Variants in ZC3H7A observed in about 807,000 individuals in gnomAD.
ZC3H7A encodes zinc finger CCCH-type containing 7A.
A neutral mutation model predicts 125.5 loss-of-function variants in ZC3H7A; 44 were observed. The observed-to-expected ratio is 0.35, with a 90% CI of 0.28 to 0.45. The LOEUF is 0.45. Among genes scored for constraint, ZC3H7A ranks in the 20% least tolerant of loss-of-function variants. The probability of loss-of-function intolerance (pLI) is 1.00; values close to 1 mark genes in which losing one functional copy is unlikely to be tolerated. For missense variants in ZC3H7A, 977 were observed against 1,170.7 expected (o/e 0.83, Z 2.41); for synonymous variants, 399 against 391.2 (o/e 1.02, Z -0.23).
intron 1 of ZC3H7A, among the ~76,000 whole-genome samples, chr16:11,794,623 A>T (rs1305791874): frequency 1.3e-5 from 2 of 152,180 alleles, no homozygotes; most frequent in Non-Finnish European, 2.9e-5. Flanking sequence ...GTCTCTAGAA[A>T]GCCCTTTCTA....
chr16:11,760,674 G>T (rs1352373840), intron 19 of ZC3H7A, among the ~76,000 whole-genome samples: 1 of 152,170 alleles, frequency 6.6e-6, no homozygotes, highest in Non-Finnish European at 1.5e-5. Flanking sequence ...ACTACCTGTA[G>T]ATGCTCCAAG....
intron 1 of ZC3H7A, among the ~76,000 whole-genome samples, chr16:11,787,565 G>A (rs531997293): frequency 2.0e-4 from 30 of 152,120 alleles, no homozygotes; most frequent in African/African-American, 6.5e-4. Context: ...GGTCTCAAGC[G>A]ATCCTCCCTC....
chr16:11,754,774 C>T (rs553336258), intron 21 of ZC3H7A, among the ~76,000 whole-genome samples: 120 of 151,192 alleles, frequency 7.9e-4, no homozygotes, highest in Middle Eastern at 6.8e-3. Flanking sequence ...CACCTGTAGT[C>T]CCAGCTACAC....
chr16:11,792,337 A>G (rs1361054175), intron 1 of ZC3H7A, among the ~76,000 whole-genome samples: 1 of 152,208 alleles, frequency 6.6e-6, no homozygotes, highest in Non-Finnish European at 1.5e-5. Flanking sequence ...ATTTGTTACT[A>G]ATCTTGAAGT....
At chr16:11,759,259 T>TCA (rs1240276134) in intron 19 of ZC3H7A, 5 of 152,214 alleles carry the variant, frequency 3.3e-5, no homozygotes, top group Admixed American at 1.3e-4. Context: ...TTGAATACCA[T>TCA]CAACCTACTT....
intron 16 of ZC3H7A, 159 bp downstream of exon 16, chr16:11,763,319 G>A (rs1023384446): frequency 3.3e-6 from 2 of 611,078 alleles, no homozygotes; most frequent in Non-Finnish European, 5.3e-6. Flanking sequence ...GTACTGGCCA[G>A]ACTGGTCTTG....
chr16:11,754,588 T>C (rs1032531325), intron 21 of ZC3H7A, among the ~76,000 whole-genome samples: 2 of 151,888 alleles, frequency 1.3e-5, no homozygotes, highest in African/African-American at 4.8e-5. Context: ...AGTGGAACTA[T>C]AGATTATTTA....
chr16:11,756,186 G>A, intron 21 of ZC3H7A, 51 bp downstream of exon 21: 4 of 1,574,232 alleles, frequency 2.5e-6, no homozygotes, highest in Non-Finnish European at 3.4e-6. Flanking sequence ...GGAAAAGAAA[G>A]GCTCCATCAA....
At chr16:11,776,645 C>T (rs1412521161) in intron 5 of ZC3H7A, 106 bp downstream of exon 5, 114 of 1,492,028 alleles carry the variant, frequency 7.6e-5, no homozygotes, top group Non-Finnish European at 9.4e-5. Flanking sequence ...GCATTTATAC[C>T]CAACTGAAGC....
intron 9 of ZC3H7A, among the ~76,000 whole-genome samples, chr16:11,771,647 T>C (rs1299336323): frequency 2.0e-5 from 3 of 151,632 alleles, no homozygotes; most frequent in Non-Finnish European, 2.9e-5. Flanking sequence ...ATTACAGGCA[T>C]GCGCCACCTC....
At chr16:11,754,610 AGCTGGGC>A (rs1302540924) in intron 21 of ZC3H7A, among the ~76,000 whole-genome samples, 2 of 152,044 alleles carry the variant, frequency 1.3e-5, no homozygotes, top group African/African-American at 4.8e-5. Context: ...GAATAAATGT[AGCTGGGC>A]ACGGTGGCTC....
Position 11,769,752 on chromosome 16 carries a change from A to T in ZC3H7A, c.1109-657T>A, listed in dbSNP as rs183350876. ...AAAGCAGGAACTGACCATAACATTT[A>T]AAAAAAAATCAGTAAAGTTTTCAAT... On this transcript the variant is annotated intron_variant, in intron 10 of 22. Transcript: ENST00000355758. 6.5e-5 allele frequency among the ~76,000 whole-genome samples: 9 copies of T among 138,154 alleles called. No homozygotes were observed. In the East Asian group the frequency reaches 1.7e-3, roughly 26 times the overall value. The allele number at this position is 138,154 out of a possible 152,430, so 90.6% of individuals were successfully genotyped here.
At chr16:11,768,800 G>C (rs984985203) in intron 11 of ZC3H7A, among the ~76,000 whole-genome samples, 3 of 151,978 alleles carry the variant, frequency 2.0e-5, no homozygotes, top group Non-Finnish European at 2.9e-5. Context: ...TGTTTATGCT[G>C]TGCTAAAGCC....
At chr16:11,759,326 C>T (rs2052703131) in intron 19 of ZC3H7A, 1 of 152,162 alleles carries the variant, frequency 6.6e-6, no homozygotes, top group African/African-American at 2.4e-5. Context: ...TTAGTTTGTG[C>T]TTCAACGGCA....
chr16:11,785,355 A>G (rs1028291700), intron 1 of ZC3H7A, among the ~76,000 whole-genome samples: 1 of 151,038 alleles, frequency 6.6e-6, no homozygotes, highest in African/African-American at 2.4e-5. Flanking sequence ...ATAAAAAAAA[A>G]AGCAACCGGG....
In ZC3H7A at chr16:11,761,499, G is replaced by T; in HGVS notation, c.2226C>A (p.Asp742Glu). 1 of 1,613,864 alleles carries T rather than the reference G, an allele frequency of 6.2e-7. No homozygotes were observed. Among genetic ancestry groups the T allele is most frequent in the South Asian group, 1.1e-5 (1 of 91,050 alleles). The change falls in exon 19 of 23, where the codon GAC becomes GAA. Residue 742 changes from aspartate to glutamate, a missense_variant. By Grantham distance (45) the Asp-to-Glu change is conservative. Around this residue, in one of 3 missense-constraint regions of ZC3H7A, gnomAD observed 436 missense variants for 603.2 expected, o/e 0.72. Coordinates refer to ENST00000355758, the MANE Select transcript of ZC3H7A (RefSeq NM_014153.4). ...TAGACATCACTCTCATCGCACGCCG[G>T]TCTTTGGTCCACCTAAGAAAAATGG... Reference protein sequence around the residue: ...SAKARHSWTKDRRAMRVMSIE... With the variant: ...SAKARHSWTKERRAMRVMSIE...
chr16:11,768,749 T>A (rs1410254248), intron 11 of ZC3H7A, among the ~76,000 whole-genome samples: 1 of 152,178 alleles, frequency 6.6e-6, no homozygotes, highest in East Asian at 1.9e-4. Flanking sequence ...ACTGCAAAAG[T>A]ACACACGCTT....
intron 10 of ZC3H7A, 92 bp from the exon 11 acceptor site, chr16:11,769,187 A>G (rs971560814): frequency 1.7e-5 from 18 of 1,076,372 alleles, no homozygotes; most frequent in Non-Finnish European, 1.3e-6. Flanking sequence ...ATGGCCTCCC[A>G]CGCTATTCTC....
chr16:11,763,219 T>C (rs1394420065), intron 16 of ZC3H7A: 1 of 287,356 alleles, frequency 3.5e-6, no homozygotes, highest in Admixed American at 5.1e-5. Flanking sequence ...GCAATTCTCA[T>C]GCCTCAGCCT....
Sources: allele counts gnomAD v4.1 joint callset (sites outside exome capture counted in the v4.1 genomes callset), GRCh38; gene constraint gnomAD v4.1.1; regional missense constraint gnomAD v4.1.1; transcripts MANE v1.5; gene names NCBI Gene and HGNC (gene_info 2026-07-23, HGNC 2026-07-21).